The following AAK1 variants were observed in gnomAD, a reference collection of about 807,000 sequenced individuals.
AAK1 encodes AP2 associated kinase 1.
A neutral mutation model predicts 116.0 loss-of-function variants in AAK1; 37 were observed. The ratio of observed to expected loss-of-function variants is 0.32; its 90% confidence interval spans 0.25 to 0.42. The LOEUF (loss-of-function observed/expected upper bound fraction) is 0.42, where lower values mean the gene tolerates loss of function less well. Ranked by LOEUF, AAK1 falls within the 10% of genes least tolerant of loss-of-function variation. AAK1 has a pLI of 1.00. For synonymous variants in AAK1, 458 were observed against 439.9 expected (o/e 1.04, Z -0.51); for missense variants, 919 against 1,170.6 (o/e 0.79, Z 3.14).
At chr2:69,531,868 C>G (rs372459979) in intron 6 of AAK1, 173 bp downstream of exon 6, 16 of 1,293,760 alleles carry the variant, frequency 1.2e-5, no homozygotes, top group Non-Finnish European at 1.7e-5. Context: ...TGTAAACCCC[C>G]TCCTCATTCT....
At position 69,470,259 on chromosome 2, in the gene AAK1, A is replaced by C; in HGVS notation, c.*5610T>G. On this transcript the variant is annotated 3_prime_UTR_variant, in exon 22 of 22. Transcript: ENST00000409085. ...ACGAAGACTTGGAGCATTGAGAAGAAGCCTTCTCACATATAGTTAGTAAAC... is the reference window on the plus strand; with the variant it reads ...ACGAAGACTTGGAGCATTGAGAAGACGCCTTCTCACATATAGTTAGTAAAC... 1.0e-6 allele frequency: 1 copy of C among 985,468 alleles called. No homozygotes were observed. Among genetic ancestry groups the C allele is most frequent in the Non-Finnish European group, 1.2e-6 (1 of 829,936 alleles). The allele number at this position is 985,468 out of a possible 1,614,324, so 61.0% of individuals were successfully genotyped here.
At position 69,475,937 on chromosome 2, in the gene AAK1, T is replaced by C. The variant is rs1674839413; in HGVS notation, c.2818A>G (p.Ser940Gly). The change falls in exon 22 of 22, where the codon AGC becomes GGC. Residue 940 changes from serine to glycine, a missense_variant. Physicochemically the swap from Ser to Gly is moderately conservative, Grantham distance 56. Around this residue, in one of 4 missense-constraint regions of AAK1, gnomAD observed 263 missense variants for 285.5 expected, o/e 0.92. Coordinates refer to ENST00000409085, the MANE Select transcript of AAK1 (RefSeq NM_014911.5). ...AGGTTGGGAAGACTGGACTCAGAGC[T>C]CCCACTGCTGTTTCTAGAGTGCCCA... Reference protein sequence around the residue: ...QGGHSRNSSGSSESSLPNLAR... With the variant: ...QGGHSRNSSGGSESSLPNLAR... 6.2e-7 allele frequency: 1 copy of C among 1,612,240 alleles called. No homozygotes were observed. The highest frequency in any genetic ancestry group is 1.3e-5 in the African/African-American group (1 of 74,868).
Position 69,474,593 on chromosome 2 carries a change from C to T in AAK1, c.*1276G>A. The stretch of plus-strand genomic sequence containing the variant: ...CCAGCTGAACATATTCCATTGGCTG[C>T]AGCCTTCAATTTAAACATCAGAAAG... On this transcript the variant is annotated 3_prime_UTR_variant, in exon 22 of 22. Transcript: ENST00000409085. 1.0e-6 allele frequency: 1 copy of T among 985,296 alleles called. No individual in the cohort carries two copies. Among genetic ancestry groups the T allele is most frequent in the Non-Finnish European group, 1.2e-6 (1 of 829,900 alleles). 61.0% of individuals were successfully genotyped at this position (985,296 alleles called of 1,614,324 possible).
rs973694090 is a variant in AAK1, at chr2:69,497,660, ATTT to A, written c.2270-1583_2270-1581del. 1.3e-5 allele frequency among the ~76,000 whole-genome samples: 2 copies of A among 150,050 alleles called. 1 individual carries two copies. Among genetic ancestry groups the A allele is most frequent in the African/African-American group, 4.9e-5 (2 of 40,704 alleles). On this transcript the variant is annotated intron_variant, in intron 16 of 21. Transcript: ENST00000409085. ...CAGTTTGTTCGTTAATTAAAATCTCATTTTGTTTGTCAGCTGTCTTTCTAGAAA... is the reference window on the plus strand; with the variant it reads ...CAGTTTGTTCGTTAATTAAAATCTCATGTTTGTCAGCTGTCTTTCTAGAAA...
chr2:69,585,745 AG>A (rs1672737507), intron 2 of AAK1, among the ~76,000 whole-genome samples: 1 of 152,244 alleles, frequency 6.6e-6, no homozygotes, highest in African/African-American at 2.4e-5. Context: ...ATATGGTACT[AG>A]GAAAAGAGGA....
At chr2:69,492,518 CT>C (rs987331929) in intron 17 of AAK1, among the ~76,000 whole-genome samples, 117 of 83,394 alleles carry the variant, frequency 1.4e-3, no homozygotes, top group Non-Finnish European at 2.0e-3. Context: ...CTGGCCAATT[CT>C]TTTTTTTTTT....
chr2:69,489,172 C>T (rs550786440), intron 17 of AAK1, among the ~76,000 whole-genome samples: 98 of 151,506 alleles, frequency 6.5e-4, no homozygotes, highest in Non-Finnish European at 1.1e-3. Flanking sequence ...AAAAGAGAAG[C>T]CGGCTATGGG....
At chr2:69,478,700 C>T in intron 20 of AAK1, 2 of 370,668 alleles carry the variant, frequency 5.4e-6, no homozygotes, top group South Asian at 5.3e-5. Flanking sequence ...GTGATCCTCC[C>T]ACCTCAGCCT....
At chr2:69,621,292 A>T (rs1051609096) in intron 2 of AAK1, among the ~76,000 whole-genome samples, 5 of 152,196 alleles carry the variant, frequency 3.3e-5, no homozygotes, top group Non-Finnish European at 5.9e-5. Flanking sequence ...CTTCGCCAAC[A>T]TGGTGAAACT....
At chr2:69,569,009 C>A (rs1158335589) in intron 2 of AAK1, among the ~76,000 whole-genome samples, 1 of 152,186 alleles carries the variant, frequency 6.6e-6, no homozygotes, top group Non-Finnish European at 1.5e-5. Flanking sequence ...CAGAATCCAT[C>A]CCTTCTACTG....
intron 12 of AAK1, among the ~76,000 whole-genome samples, chr2:69,518,105 G>C (rs139676387): frequency 6.6e-4 from 100 of 152,186 alleles, no homozygotes; most frequent in Admixed American, 2.7e-3. Context: ...CTGGGAAACA[G>C]AGCAAGACCA....
Position 69,527,305 on chromosome 2 carries a change from G to A in AAK1, c.886C>T (p.Pro296Ser). The A allele has an allele frequency of 6.2e-7, 1 of 1,603,044 alleles. No individual in the cohort carries two copies. The highest frequency in any genetic ancestry group is 8.5e-7 in the Non-Finnish European group (1 of 1,172,942). The stretch of plus-strand genomic sequence containing the variant: ...ATATCCGGCCTTTTGTCAGGGTCTG[G>A]TTCCAACATATACCCTAAGGCAAAC... ...MHCLIRYMLEPDPDKRPDIYQ... is the reference protein window; with the variant it reads ...MHCLIRYMLESDPDKRPDIYQ... Residue 296 changes from proline to serine, a missense_variant, in exon 9 of 22, where the codon CCA becomes TCA. Physicochemically the swap from Pro to Ser is moderately conservative, Grantham distance 74. Transcript: ENST00000409085.
intron 3 of AAK1, among the ~76,000 whole-genome samples, chr2:69,551,534 C>T (rs1227981436): frequency 6.6e-6 from 1 of 152,162 alleles, no homozygotes; most frequent in Admixed American, 6.5e-5. Context: ...CTGATCTCTT[C>T]GAAGCAAATC....
At chr2:69,571,772 G>A (rs1470702376) in intron 2 of AAK1, among the ~76,000 whole-genome samples, 2 of 152,250 alleles carry the variant, frequency 1.3e-5, no homozygotes, top group East Asian at 3.9e-4. Flanking sequence ...TACCTATTTG[G>A]GAAAGGACAG....
chr2:69,575,220 G>A (rs918479089), intron 2 of AAK1, among the ~76,000 whole-genome samples: 5 of 151,540 alleles, frequency 3.3e-5, no homozygotes, highest in African/African-American at 9.7e-5. Context: ...TTAAGAAGGC[G>A]ACCCTCCAAG....
At chr2:69,505,711 A>G in intron 15 of AAK1, 38 bp from the exon 16 acceptor site, 1 of 1,552,600 alleles carries the variant, frequency 6.4e-7, no homozygotes, top group South Asian at 1.1e-5. Flanking sequence ...ATTCTAGCAG[A>G]ATCTTGCGAG....
At chr2:69,530,741 T>A (rs773373393) in intron 6 of AAK1, 35 bp from the exon 7 acceptor site, 1 of 1,490,890 alleles carries the variant, frequency 6.7e-7, no homozygotes, top group Non-Finnish European at 9.3e-7. Flanking sequence ...ATTAAATATG[T>A]CAATACTATA....
chr2:69,619,307 T>C (rs1430606257), intron 2 of AAK1, among the ~76,000 whole-genome samples: 1 of 152,090 alleles, frequency 6.6e-6, no homozygotes, highest in Admixed American at 6.5e-5. Flanking sequence ...AAATTGAGGG[T>C]ATCTGTTATG....
In AAK1 at chr2:69,493,154, GTC is replaced by G. The variant is rs1393445332; in HGVS notation, c.2365+2829_2365+2830del. Among the ~76,000 whole-genome samples the G allele has an allele frequency of 5.3e-3, 157 of 29,736 alleles. 2 individuals are homozygous for G. Among genetic ancestry groups the G allele is most frequent in the Non-Finnish European group, 9.8e-4 (16 of 16,356 alleles). The allele number at this position is 29,736 out of a possible 152,430, so 19.5% of individuals were successfully genotyped here. On this transcript the variant is annotated intron_variant, in intron 17 of 21. Transcript: ENST00000409085. ...AGCCTGGGCGACAGAGCGAGACTCCGTCTCAAAAAAAAAAAAAAAAAAAGGAT... is the reference window on the plus strand; with the variant it reads ...AGCCTGGGCGACAGAGCGAGACTCCGTCAAAAAAAAAAAAAAAAAAAGGAT...
Sources: gnomAD v4.1 joint callset for allele counts (sites outside exome capture counted in the v4.1 genomes callset) on GRCh38, gnomAD v4.1.1 for gene constraint, gnomAD v4.1.1 regional missense constraint, MANE v1.5 for transcripts, NCBI Gene and HGNC (gene_info 2026-07-23, HGNC 2026-07-21) for gene names.